The following DNAJC5B variants were observed in gnomAD, a reference collection of about 807,000 sequenced individuals.
DNAJC5B encodes the protein dnaJ homolog subfamily C member 5B.
A neutral mutation model predicts 24.7 loss-of-function variants in DNAJC5B; 23 were observed. That is an observed-to-expected ratio of 0.93 (90% confidence interval 0.67 to 1.32). DNAJC5B has a LOEUF of 1.32. DNAJC5B is among the 40% of genes most tolerant of loss of function. The pLI is 0.00. For synonymous variants in DNAJC5B, 101 were observed against 90.1 expected (o/e 1.12, Z -0.68); for missense variants, 238 against 240.8 (o/e 0.99, Z 0.08).
At chr8:66,098,224 G>A (rs554612870) in intron 5 of DNAJC5B, among the ~76,000 whole-genome samples, 5 of 150,660 alleles carry the variant, frequency 3.3e-5, no homozygotes, top group Non-Finnish European at 7.4e-5. Context: ...TTTTCTTTGA[G>A]ACAGAGTCTC....
chr8:66,085,971 C>T (rs1374694288), intron 5 of DNAJC5B, among the ~76,000 whole-genome samples: 1 of 152,106 alleles, frequency 6.6e-6, no homozygotes, highest in Non-Finnish European at 1.5e-5. Flanking sequence ...TGATTTCTTT[C>T]ATGAACATTT....
At chr8:66,036,644 A>G (rs1586068743) in intron 1 of DNAJC5B, among the ~76,000 whole-genome samples, 2 of 151,748 alleles carry the variant, frequency 1.3e-5, no homozygotes, top group African/African-American at 4.8e-5. Flanking sequence ...TGAAGTTGTA[A>G]CTCCTGTTTA....
At chr8:66,074,074 A>C (rs1390890261) in intron 3 of DNAJC5B, among the ~76,000 whole-genome samples, 1 of 152,264 alleles carries the variant, frequency 6.6e-6, no homozygotes, top group African/African-American at 2.4e-5. Flanking sequence ...GCATTTTTAA[A>C]ATACTACAAA....
At chr8:66,099,476 G>A (rs1319070575) in intron 5 of DNAJC5B, among the ~76,000 whole-genome samples, 1 of 152,172 alleles carries the variant, frequency 6.6e-6, no homozygotes, top group Non-Finnish European at 1.5e-5. Flanking sequence ...TTTGACTCCT[G>A]TCCCAACAAG....
chr8:66,060,226 AC>A (rs1279736800), intron 3 of DNAJC5B, among the ~76,000 whole-genome samples: 1 of 150,964 alleles, frequency 6.6e-6, no homozygotes, highest in African/African-American at 2.4e-5. Context: ...CATCCAACAG[AC>A]CCCCCTCCTC....
At chr8:66,058,786 C>T (rs1008623218) in intron 3 of DNAJC5B, among the ~76,000 whole-genome samples, 3 of 152,290 alleles carry the variant, frequency 2.0e-5, no homozygotes, top group Middle Eastern at 3.4e-3. Context: ...ATGGAGTCCC[C>T]AGCTACCTCA....
At chr8:66,033,888 G>A (rs1396799385) in intron 1 of DNAJC5B, among the ~76,000 whole-genome samples, 1 of 151,020 alleles carries the variant, frequency 6.6e-6, no homozygotes, top group African/African-American at 2.4e-5. Context: ...AGAGAATTTG[G>A]ATGGTGTCCA....
At chr8:66,076,378 A>G (rs970424327) in intron 3 of DNAJC5B, among the ~76,000 whole-genome samples, 1 of 152,236 alleles carries the variant, frequency 6.6e-6, no homozygotes, top group African/African-American at 2.4e-5. Flanking sequence ...GAAACTTCGC[A>G]TATTTGCCAA....
chr8:66,065,146 T>A (rs1807163474), intron 3 of DNAJC5B, among the ~76,000 whole-genome samples: 1 of 152,244 alleles, frequency 6.6e-6, no homozygotes, highest in African/African-American at 2.4e-5. Context: ...CATATGGTTC[T>A]GTACGAGGGA....
At chr8:66,035,701 A>G (rs529172220) in intron 1 of DNAJC5B, among the ~76,000 whole-genome samples, 14 of 152,290 alleles carry the variant, frequency 9.2e-5, no homozygotes, top group Admixed American at 4.6e-4. Context: ...CAGACCTGTA[A>G]GATGAGACAT....
At position 66,100,990 on chromosome 8, in the gene DNAJC5B, A is replaced by T. The variant is rs1315349372; in HGVS notation, c.*959A>T. On this transcript the variant is annotated 3_prime_UTR_variant, in exon 6 of 6. Coordinates refer to ENST00000276570, the MANE Select transcript of DNAJC5B (RefSeq NM_033105.6). Reference sequence around the variant, plus strand: ...ATTCTTGTATTTATTATGTGGTAGAAACCATGTGCTATTTCTAAAATACTA... The same window carrying T: ...ATTCTTGTATTTATTATGTGGTAGATACCATGTGCTATTTCTAAAATACTA... 2.0e-5 allele frequency among the ~76,000 whole-genome samples: 3 copies of T among 152,182 alleles called. No homozygotes were observed. Among genetic ancestry groups the T allele is most frequent in the Non-Finnish European group, 4.4e-5 (3 of 68,036 alleles).
chr8:66,064,696 C>A (rs1240671129), intron 3 of DNAJC5B, among the ~76,000 whole-genome samples: 1 of 152,150 alleles, frequency 6.6e-6, no homozygotes, highest in East Asian at 1.9e-4. Context: ...GAGCTGTGGG[C>A]TGGTAGGTTG....
At chr8:66,086,978 A>T (rs1807740544) in intron 5 of DNAJC5B, among the ~76,000 whole-genome samples, 1 of 152,180 alleles carries the variant, frequency 6.6e-6, no homozygotes, top group South Asian at 2.1e-4. Context: ...TACTATACTA[A>T]AAAATAAGAG....
At chr8:66,099,081 C>A (rs140545203) in intron 5 of DNAJC5B, among the ~76,000 whole-genome samples, 2 of 151,498 alleles carry the variant, frequency 1.3e-5, no homozygotes, top group Admixed American at 1.3e-4. Flanking sequence ...ATTTCTCTAC[C>A]TCTAATAGTT....
intron 1 of DNAJC5B, among the ~76,000 whole-genome samples, chr8:66,029,368 G>A (rs1390793568): frequency 6.6e-6 from 1 of 152,206 alleles, no homozygotes; most frequent in Non-Finnish European, 1.5e-5. Context: ...CTGGGTTTGA[G>A]TGGACAGGAT....
At chr8:66,059,967 C>T (rs1353889421) in intron 3 of DNAJC5B, among the ~76,000 whole-genome samples, 2 of 152,220 alleles carry the variant, frequency 1.3e-5, no homozygotes, top group Admixed American at 6.5e-5. Flanking sequence ...TGCTGTTTAC[C>T]TTGAGAGCCG....
Position 66,080,632 on chromosome 8 carries a change from A to G in DNAJC5B, c.505+84A>G, listed in dbSNP as rs184274551. ...AGGTCCCACGGGGACAGCTATCACTATAGTAGGAGAGCTCCCACAACCAAA... is the reference window on the plus strand; with the variant it reads ...AGGTCCCACGGGGACAGCTATCACTGTAGTAGGAGAGCTCCCACAACCAAA... On this transcript the variant is annotated intron_variant, in intron 5 of 5. Transcript: ENST00000276570. The G allele has an allele frequency of 6.6e-5, 81 of 1,235,720 alleles. No homozygotes were observed. The East Asian group carries it at 8.3e-4, about 13-fold the overall frequency. The allele number at this position is 1,235,720 out of a possible 1,614,324, so 76.5% of individuals were successfully genotyped here.
chr8:66,051,194 A>C (rs1346116855), intron 2 of DNAJC5B, among the ~76,000 whole-genome samples: 1 of 152,216 alleles, frequency 6.6e-6, no homozygotes, highest in African/African-American at 2.4e-5. Flanking sequence ...AGCAAATTCC[A>C]GAAAAAAATG....
intron 2 of DNAJC5B, among the ~76,000 whole-genome samples, chr8:66,048,241 A>C (rs6994799): frequency 6.6e-6 from 1 of 151,864 alleles, no homozygotes; most frequent in Admixed American, 6.6e-5. Flanking sequence ...GTATCCCTAG[A>C]GGGTATTGCA....
Sources: gnomAD v4.1 joint callset for allele counts (sites outside exome capture counted in the v4.1 genomes callset) on GRCh38, gnomAD v4.1.1 for gene constraint, MANE v1.5 for transcripts, NCBI Gene and HGNC (gene_info 2026-07-23, HGNC 2026-07-21) for gene names.